The following CALCRL variants were observed in gnomAD, a reference collection of about 807,000 sequenced individuals.
CALCRL encodes calcitonin receptor like receptor, also known as calcitonin gene-related peptide type 1 receptor.
CALCRL carries 27 observed loss-of-function variants against 60.4 expected under a neutral mutation model. That is an observed-to-expected ratio of 0.45 (90% confidence interval 0.33 to 0.62). The LOEUF (loss-of-function observed/expected upper bound fraction) is 0.62. CALCRL is among the 20% of genes least tolerant of loss of function. The probability of loss-of-function intolerance (pLI) is 0.03; values close to 1 mark genes in which losing one functional copy is unlikely to be tolerated. For missense variants in CALCRL, 424 were observed against 540.7 expected (o/e 0.78, Z 2.14); for synonymous variants, 190 against 182.6 (o/e 1.04, Z -0.33).
At chr2:187,412,728 C>T (rs535072610) in intron 1 of CALCRL, among the ~76,000 whole-genome samples, 43 of 152,228 alleles carry the variant, frequency 2.8e-4, no homozygotes, top group Admixed American at 1.2e-3. Context: ...TTGAATCAAG[C>T]CTCAAGGCCT....
At chr2:187,385,044 T>C (rs1035069336) in intron 4 of CALCRL, among the ~76,000 whole-genome samples, 6 of 152,216 alleles carry the variant, frequency 3.9e-5, no homozygotes, top group African/African-American at 1.4e-4. Flanking sequence ...TGCACACACT[T>C]GCCTCAAATT....
intron 7 of CALCRL, among the ~76,000 whole-genome samples, chr2:187,379,278 T>A (rs909014145): frequency 2.0e-5 from 3 of 152,186 alleles, no homozygotes; most frequent in East Asian, 1.9e-4. Flanking sequence ...AATAATTTTT[T>A]AAAAAATTAG....
intron 10 of CALCRL, among the ~76,000 whole-genome samples, chr2:187,359,876 C>G (rs1686974372): frequency 6.6e-6 from 1 of 151,366 alleles, no homozygotes; most frequent in Non-Finnish European, 1.5e-5. Flanking sequence ...ATATATACAC[C>G]TCTGTATATG....
At chr2:187,392,168 A>G (rs1688473389) in intron 1 of CALCRL, among the ~76,000 whole-genome samples, 1 of 151,996 alleles carries the variant, frequency 6.6e-6, no homozygotes, top group Admixed American at 6.6e-5. Flanking sequence ...AATAATTCTT[A>G]TTTTTCATTG....
chr2:187,418,694 C>CAATTA (rs1689726781), intron 1 of CALCRL, among the ~76,000 whole-genome samples: 2 of 151,996 alleles, frequency 1.3e-5, no homozygotes, highest in African/African-American at 2.4e-5. Flanking sequence ...AAGTAATTTA[C>CAATTA]CAACCTTTGC....
intron 12 of CALCRL, among the ~76,000 whole-genome samples, chr2:187,352,621 T>A (rs1345257345): frequency 6.6e-6 from 1 of 151,804 alleles, no homozygotes; most frequent in Non-Finnish European, 1.5e-5. Context: ...CTCAGCTCAT[T>A]TTCACGTGCA....
At chr2:187,351,301 G>T (rs867849892) in intron 14 of CALCRL, among the ~76,000 whole-genome samples, 1 of 139,188 alleles carries the variant, frequency 7.2e-6, no homozygotes, top group African/African-American at 2.6e-5. Context: ...AAAAAAAAAA[G>T]AAATATGTTA....
intron 1 of CALCRL, among the ~76,000 whole-genome samples, chr2:187,431,847 G>A (rs538612874): frequency 3.9e-4 from 59 of 152,028 alleles, no homozygotes; most frequent in African/African-American, 1.2e-3. Context: ...GGAGAATAGG[G>A]AGAAATGAGA....
At chr2:187,445,396 G>T (rs1044478680) in intron 1 of CALCRL, among the ~76,000 whole-genome samples, 1 of 151,538 alleles carries the variant, frequency 6.6e-6, no homozygotes, top group African/African-American at 2.4e-5. Context: ...ATTTGATAAA[G>T]CTGTATTAAA....
At chr2:187,378,342 G>T (rs1687852928) in intron 8 of CALCRL, among the ~76,000 whole-genome samples, 1 of 152,102 alleles carries the variant, frequency 6.6e-6, no homozygotes, top group Non-Finnish European at 1.5e-5. Flanking sequence ...GCATGACTTA[G>T]AATTTAACTT....
At chr2:187,402,120 T>C (rs1393325208) in intron 1 of CALCRL, among the ~76,000 whole-genome samples, 1 of 151,678 alleles carries the variant, frequency 6.6e-6, no homozygotes, top group African/African-American at 2.4e-5. Flanking sequence ...TTTGTTTCTC[T>C]GGTGTGTCTC....
intron 1 of CALCRL, among the ~76,000 whole-genome samples, chr2:187,438,846 A>G (rs1690767739): frequency 6.6e-6 from 1 of 152,240 alleles, no homozygotes; most frequent in Non-Finnish European, 1.5e-5. Context: ...AAGTCAGTGA[A>G]GAAATACATA....
At position 187,403,103 on chromosome 2, in the gene CALCRL, A is replaced by G. The variant is rs569771259; in HGVS notation, c.-292-15347T>C. Reference sequence around the variant, plus strand: ...TCAGACTTCCATGCTCCAGAAATGTAAAAAATAAATGTTTGTTGTTTTACC... The same window carrying G: ...TCAGACTTCCATGCTCCAGAAATGTGAAAAATAAATGTTTGTTGTTTTACC... On this transcript the variant is annotated intron_variant, in intron 1 of 14. Coordinates refer to ENST00000392370, the MANE Select transcript of CALCRL (RefSeq NM_005795.6). 2.0e-5 allele frequency among the ~76,000 whole-genome samples: 3 copies of G among 151,916 alleles called. No individual in the cohort carries two copies. The East Asian group carries it at 5.8e-4, about 29-fold the overall frequency.
At chr2:187,438,636 G>A (rs1400681926) in intron 1 of CALCRL, among the ~76,000 whole-genome samples, 1 of 152,062 alleles carries the variant, frequency 6.6e-6, no homozygotes, top group Non-Finnish European at 1.5e-5. Context: ...GCAAGAGTTG[G>A]CAAGTCAGCC....
intron 8 of CALCRL, among the ~76,000 whole-genome samples, chr2:187,370,222 A>T (rs916374134): frequency 6.6e-6 from 1 of 152,104 alleles, no homozygotes; most frequent in Non-Finnish European, 1.5e-5. Flanking sequence ...TTTCCTAAAT[A>T]CTAAAAATAT....
At chr2:187,431,854 G>A (rs1170864728) in intron 1 of CALCRL, among the ~76,000 whole-genome samples, 1 of 151,890 alleles carries the variant, frequency 6.6e-6, no homozygotes, top group Non-Finnish European at 1.5e-5. Context: ...AGGGAGAAAT[G>A]AGAAATGTAT....
intron 7 of CALCRL, among the ~76,000 whole-genome samples, chr2:187,379,678 AGCT>A (rs1312707733): frequency 1.3e-5 from 2 of 152,198 alleles, no homozygotes; most frequent in Admixed American, 6.5e-5. Flanking sequence ...ACATAATGAT[AGCT>A]GGTAGTTATC....
rs1292158247 is a variant in CALCRL, at chr2:187,378,272, A to G, written c.500+668T>C. ...TACTCTTGTCACGCTGAATTCTATG[A>G]TTATATATATGCTGATGATCAAAGT... On this transcript the variant is annotated intron_variant, in intron 8 of 14. Coordinates refer to ENST00000392370, the MANE Select transcript of CALCRL (RefSeq NM_005795.6). 2.0e-5 allele frequency among the ~76,000 whole-genome samples: 3 copies of G among 152,128 alleles called. No homozygotes were observed. The East Asian group carries it at 5.8e-4, about 29-fold the overall frequency.
chr2:187,344,879 TA>T lies in CALCRL; in HGVS notation c.*1304del, dbSNP rs1386494112. On this transcript the variant is annotated 3_prime_UTR_variant, in exon 15 of 15. Transcript: ENST00000392370. Reference sequence around the variant, plus strand: ...ATTGGTATTTATCACAGTAGTTGTTTAAAATTTCTGGATTAGAATGTGAGTT... The same window carrying T: ...ATTGGTATTTATCACAGTAGTTGTTTAAATTTCTGGATTAGAATGTGAGTT... 1.3e-5 allele frequency: 2 copies of T among 151,706 alleles called. No individual in the cohort carries two copies. The highest frequency in any genetic ancestry group is 3.0e-5 in the Non-Finnish European group (2 of 67,746). 9.4% of individuals were successfully genotyped at this position (151,706 alleles called of 1,614,324 possible). A position where few individuals can be genotyped will look rare whatever the true frequency, so the allele number is the denominator to read the frequency against.
Sources: gnomAD v4.1 joint callset for allele counts (sites outside exome capture counted in the v4.1 genomes callset) on GRCh38, gnomAD v4.1.1 for gene constraint, MANE v1.5 for transcripts, NCBI Gene and HGNC (gene_info 2026-07-23, HGNC 2026-07-21) for gene names.